CHRNA7: variants seen among roughly 807,000 people sequenced by gnomAD.
CHRNA7 encodes cholinergic receptor nicotinic alpha 7 subunit, also known as neuronal acetylcholine receptor subunit alpha-7.
In CHRNA7, 17 loss-of-function variants were observed where a neutral mutation model predicts 48.0. The observed-to-expected ratio is 0.35, with a 90% CI of 0.24 to 0.53. CHRNA7 has a LOEUF of 0.53. Ranked by LOEUF, CHRNA7 falls within the 20% of genes least tolerant of loss-of-function variation. The pLI, the probability that CHRNA7 is intolerant of heterozygous loss-of-function variation, is 0.92. For synonymous variants in CHRNA7, 75 were observed against 242.3 expected (o/e 0.31, Z 6.41); for missense variants, 155 against 577.7 (o/e 0.27, Z 7.50).
chr15:32,090,100 G>T lies in CHRNA7; in HGVS notation c.196-11203G>T, dbSNP rs142682750. On this transcript the variant is annotated intron_variant, in intron 2 of 9. Transcript: ENST00000306901. ...TGGTAGCATTGTAGTAGGCCTGTGT[G>T]TCTGGGCTCTGACCTTCACAAGTGT... Among the ~76,000 whole-genome samples, 570 of 152,324 alleles carry T rather than the reference G, an allele frequency of 3.7e-3. 4 individuals are homozygous for T. Among genetic ancestry groups the T allele is most frequent in the African/African-American group, 0.013 (535 of 41,566 alleles).
chr15:32,090,478 T>G (rs796517226), intron 2 of CHRNA7, among the ~76,000 whole-genome samples: 11 of 152,294 alleles, frequency 7.2e-5, no homozygotes, highest in Middle Eastern at 3.4e-3. Context: ...AACCAGAGAT[T>G]CACTGAAATT....
chr15:32,081,722 C>A (rs958178311), intron 2 of CHRNA7, among the ~76,000 whole-genome samples: 13 of 152,234 alleles, frequency 8.5e-5, no homozygotes, highest in African/African-American at 2.9e-4. Context: ...CAGTTTTATA[C>A]TTTTTCCTTC....
intron 2 of CHRNA7, among the ~76,000 whole-genome samples, chr15:32,074,165 T>C (rs964768402): frequency 4.6e-5 from 7 of 151,622 alleles, no homozygotes; most frequent in Admixed American, 3.9e-4. Flanking sequence ...ATGTTAATTT[T>C]GTATCCTGCA....
chr15:32,137,256 A>G (rs969481635), intron 4 of CHRNA7, among the ~76,000 whole-genome samples: 7 of 152,044 alleles, frequency 4.6e-5, no homozygotes, highest in Non-Finnish European at 1.0e-4. Context: ...ACTAAACCAT[A>G]TATACGTAAA....
intron 3 of CHRNA7, among the ~76,000 whole-genome samples, chr15:32,108,688 GCTATGTTATGA>G (rs1446200910): frequency 6.6e-6 from 1 of 152,138 alleles, no homozygotes. Flanking sequence ...CTTGGCTGCA[GCTATGTTATGA>G]CTGTTACTAC....
At chr15:32,136,546 G>A (rs1468481004) in intron 4 of CHRNA7, among the ~76,000 whole-genome samples, 2 of 151,390 alleles carry the variant, frequency 1.3e-5, no homozygotes, top group Non-Finnish European at 2.9e-5. Flanking sequence ...AATATAGCAT[G>A]AAATAGTAAC....
At chr15:32,148,432 G>A (rs933893369) in intron 4 of CHRNA7, among the ~76,000 whole-genome samples, 16 of 152,276 alleles carry the variant, frequency 1.1e-4, no homozygotes, top group African/African-American at 3.1e-4. Context: ...GTGCTCAGCC[G>A]TAGAGGTCAA....
rs1012786200 is a variant in CHRNA7, at chr15:32,170,562, T to C, written c.*2104T>C. The C allele has an allele frequency of 2.0e-5, 3 of 148,790 alleles. No individual in the cohort carries two copies. The highest frequency in any genetic ancestry group is 5.0e-5 in the African/African-American group (2 of 40,366). The allele number at this position is 148,790 out of a possible 1,614,324, so 9.2% of individuals were successfully genotyped here. ...TTTTTGCTTTAAAAAGAAACCTTTTTGGTTTTGTATTTTATACAGGAACAC... is the reference window on the plus strand; with the variant it reads ...TTTTTGCTTTAAAAAGAAACCTTTTCGGTTTTGTATTTTATACAGGAACAC... On this transcript the variant is annotated 3_prime_UTR_variant, in exon 10 of 10. Transcript: ENST00000306901.
At chr15:32,143,318 G>A (rs550854013) in intron 4 of CHRNA7, among the ~76,000 whole-genome samples, 21 of 152,158 alleles carry the variant, frequency 1.4e-4, no homozygotes, top group Non-Finnish European at 2.4e-4. Context: ...TTTTACATTT[G>A]CCGAGGAGTG....
chr15:32,146,142 T>C (rs1381523695), intron 4 of CHRNA7, among the ~76,000 whole-genome samples: 1 of 152,244 alleles, frequency 6.6e-6, no homozygotes, highest in East Asian at 1.9e-4. Context: ...AGGCTTCTAT[T>C]AGGAATGCAC....
At chr15:32,096,213 A>G (rs573804572) in intron 2 of CHRNA7, among the ~76,000 whole-genome samples, 1 of 152,328 alleles carries the variant, frequency 6.6e-6, no homozygotes, top group South Asian at 2.1e-4. Flanking sequence ...TAGAAATGCA[A>G]ACTCTGTTTA....
intron 2 of CHRNA7, among the ~76,000 whole-genome samples, chr15:32,034,025 A>G (rs1901968805): frequency 6.6e-6 from 1 of 152,204 alleles, no homozygotes; most frequent in African/African-American, 2.4e-5. Flanking sequence ...AAGATGAGGG[A>G]TTATTTTTCC....
chr15:32,094,493 C>T (rs1390921509), intron 2 of CHRNA7, among the ~76,000 whole-genome samples: 3 of 152,154 alleles, frequency 2.0e-5, no homozygotes, highest in Non-Finnish European at 2.9e-5. Context: ...AGAAAACCAA[C>T]CAGTAATTAT....
Position 32,101,456 on chromosome 15 carries a change from A to AAAG in CHRNA7, c.240+111_240+112insGAA, listed in dbSNP as rs1320460119. 5 of 1,166,042 alleles carry AAAG rather than the reference A, an allele frequency of 4.3e-6. No homozygotes were observed. The East Asian group carries it at 1.2e-4, about 28-fold the overall frequency. The allele number at this position is 1,166,042 out of a possible 1,614,324, so 72.2% of individuals were successfully genotyped here. On this transcript the variant is annotated intron_variant, in intron 3 of 9. Transcript: ENST00000306901. ...TTCTGAGAGGTCCTGTTTAGGAAAA[A>AAAG]AAACCAAAAAAACAAAAGGCCATGG...
chr15:32,110,510 T>G (rs2050745687), intron 3 of CHRNA7, among the ~76,000 whole-genome samples: 1 of 152,206 alleles, frequency 6.6e-6, no homozygotes, highest in African/African-American at 2.4e-5. Flanking sequence ...TCCTCTCCTT[T>G]GATGTCAGAT....
intron 4 of CHRNA7, among the ~76,000 whole-genome samples, chr15:32,141,603 A>G (rs2051380173): frequency 6.6e-6 from 1 of 152,192 alleles, no homozygotes. Context: ...TTCATTGAGC[A>G]GTGGTTTGTA....
At chr15:32,118,207 C>G (rs2050906771) in intron 4 of CHRNA7, among the ~76,000 whole-genome samples, 1 of 152,186 alleles carries the variant, frequency 6.6e-6, no homozygotes, top group East Asian at 1.9e-4. Context: ...CTTGGCACTA[C>G]AGAGAGTCCC....
chr15:32,074,666 A>ATTATTATTATTATTATTT lies in CHRNA7; in HGVS notation c.196-26635_196-26634insATTATTATTATTATTTTT, dbSNP rs991862925. Among the ~76,000 whole-genome samples, 109 of 107,388 alleles carry ATTATTATTATTATTATTT rather than the reference A, an allele frequency of 1.0e-3. 1 individual carries two copies. Among genetic ancestry groups the ATTATTATTATTATTATTT allele is most frequent in the African/African-American group, 3.3e-3 (105 of 31,822 alleles). 70.5% of individuals were successfully genotyped at this position (107,388 alleles called of 152,430 possible). On this transcript the variant is annotated intron_variant, in intron 2 of 9. Transcript: ENST00000306901. ...TATTATTATTATTATTATTATTATT[A>ATTATTATTATTATTATTT]TTTTTGAGACAGAGTCTCCCTCTTG...
intron 2 of CHRNA7, among the ~76,000 whole-genome samples, chr15:32,086,367 CAAAAAAAAAAAAAA>C (rs150673202): frequency 1.4e-5 from 1 of 74,060 alleles, no homozygotes. Context: ...GACTCCATCT[CAAAAAAAAAAAAAA>C]AAAAAAAAAG....
Sources: gnomAD v4.1 joint callset for allele counts (sites outside exome capture counted in the v4.1 genomes callset) on GRCh38, gnomAD v4.1.1 for gene constraint, MANE v1.5 for transcripts, NCBI Gene and HGNC (gene_info 2026-07-23, HGNC 2026-07-21) for gene names.